Variants in DIDO1 observed in about 807,000 individuals in gnomAD.
DIDO1 encodes death-inducer obliterator 1.
In DIDO1, 16 loss-of-function variants were observed where a neutral mutation model predicts 99.4. The ratio of observed to expected loss-of-function variants is 0.16; its 90% CI spans 0.11 to 0.24. DIDO1 has a LOEUF of 0.24. Ranked by LOEUF, DIDO1 falls within the 10% of genes least tolerant of loss-of-function variation. The pLI, the probability that DIDO1 is intolerant of heterozygous loss-of-function variation, is 1.00. For missense variants in DIDO1, 2,996 were observed against 3,014.0 expected, an observed-to-expected ratio of 0.99 and a Z score of 0.14; for synonymous variants, 1,366 against 1,239.1, an observed-to-expected ratio of 1.10 and a Z score of -2.15.
chr20:62,881,830 G>T lies in DIDO1; in HGVS notation c.4126C>A (p.Leu1376Ile). Residue 1376 changes from leucine to isoleucine, a missense_variant, in exon 16 of 16, where the codon CTA (leucine) becomes ATA (isoleucine). Coordinates refer to ENST00000395343, the MANE Select transcript of DIDO1 (RefSeq NM_001193369.2). This position sits in a 1 kb window ranked among gnomAD's most constrained non-coding sequence, Gnocchi z 8.3. ...GGCCTGTCGTCCTCCTCTTCCTCTAGAGCCTTATCTTTTGAGAACTGACCG... is the reference window on the plus strand; with the variant it reads ...GGCCTGTCGTCCTCCTCTTCCTCTATAGCCTTATCTTTTGAGAACTGACCG... ...QFGQFSKDKA[L>I]EEEEDDRPYD... The T allele has an allele frequency of 6.2e-7, 1 of 1,613,536 alleles. No individual in the cohort carries two copies. The highest frequency in any genetic ancestry group is 8.5e-7 in the Non-Finnish European group (1 of 1,180,020).
chr20:62,898,644 C>A (rs978289443), intron 6 of DIDO1, among the ~76,000 whole-genome samples: 1 of 152,234 alleles, frequency 6.6e-6, no homozygotes, highest in Non-Finnish European at 1.5e-5. Context: ...TAGATGTGGT[C>A]CAGCCACAGG....
At chr20:62,906,641 C>G (rs1226129577) in intron 5 of DIDO1, among the ~76,000 whole-genome samples, 1 of 152,188 alleles carries the variant, frequency 6.6e-6, no homozygotes, top group Non-Finnish European at 1.5e-5. Context: ...GTGACACAGC[C>G]ACCGCCGCCT....
At chr20:62,887,163 T>C in intron 15 of DIDO1, 2 of 985,474 alleles carry the variant, frequency 2.0e-6, no homozygotes, top group Non-Finnish European at 2.4e-6. Context: ...GGGCCTAGGA[T>C]AGGTGACCAG....
At chr20:62,910,367 C>T (rs3818002) in intron 3 of DIDO1, among the ~76,000 whole-genome samples, 2 of 152,218 alleles carry the variant, frequency 1.3e-5, no homozygotes, top group East Asian at 3.8e-4. Flanking sequence ...TTGAGCTGCC[C>T]CAATGTTTGC....
rs138680878 is a variant in DIDO1 at position 62,903,714 on chromosome 20, G to A, written c.1588+2173C>T. Among the ~76,000 whole-genome samples, 198 of 152,282 alleles carry A rather than the reference G, an allele frequency of 1.3e-3. 1 individual carries two copies. The highest frequency in any genetic ancestry group is 1.2e-3 in the Non-Finnish European group (82 of 68,026). ...GAAGCTACTAGCTCAAAAGTGTGTC[G>A]TCCCCATTCCCATCCTATACAAATT... is the stretch of plus-strand genomic sequence containing the variant. On this transcript the variant is annotated intron_variant, in intron 6 of 15. Coordinates refer to ENST00000395343, the MANE Select transcript of DIDO1 (RefSeq NM_001193369.2).
At position 62,895,067 on chromosome 20, in the gene DIDO1, T is replaced by G. The variant is rs2064488538; in HGVS notation, c.2313A>C (p.Lys771Asn). 1.2e-6 allele frequency: 2 copies of G among 1,609,378 alleles called. No individual in the cohort carries two copies. The highest frequency in any genetic ancestry group is 4.5e-5 in the East Asian group (2 of 44,710). ...CACTCACAGATCTCGCTGGCCTCTCTTTCCACGTGGAAAGCTCTTTAGATA... is the reference window on the plus strand; with the variant it reads ...CACTCACAGATCTCGCTGGCCTCTCGTTCCACGTGGAAAGCTCTTTAGATA... The part of the protein sequence containing the change: ...ELVSKELSTW[K>N]ERPARSVMES... The change falls in exon 9 of 16, where the codon AAA (lysine) becomes AAC (asparagine). Residue 771 changes from lysine to asparagine, a missense_variant. Coordinates refer to ENST00000395343, the MANE Select transcript of DIDO1 (RefSeq NM_001193369.2).
At chr20:62,925,930 G>A (rs1340710398) in intron 1 of DIDO1, among the ~76,000 whole-genome samples, 1 of 152,216 alleles carries the variant, frequency 6.6e-6, no homozygotes, top group African/African-American at 2.4e-5. Context: ...CTGCAGTGCC[G>A]GAATCCCCCG....
In DIDO1 at chr20:62,896,934, CTGT is replaced by C. The variant is rs1465286091; in HGVS notation, c.1648_1650del (p.Thr550del). ...TTGCCCACCGCGGAGCCTGGAGGGG[CTGT>C]TTTCTTTGAGGCTGCCATGGCTGCC... On this transcript the variant is annotated inframe_deletion, in exon 7 of 16. Transcript: ENST00000395343. The surrounding 1 kb of genome is among the most constrained non-coding windows in gnomAD (Gnocchi z 4.4). 1 of 1,614,010 alleles carries C rather than the reference CTGT, an allele frequency of 6.2e-7. No homozygotes were observed. Among genetic ancestry groups the C allele is most frequent in the South Asian group, 1.1e-5 (1 of 91,070 alleles).
In DIDO1 at chr20:62,881,082, G is replaced by A; in HGVS notation, c.4874C>T (p.Pro1625Leu). 1.9e-6 allele frequency: 3 copies of A among 1,609,222 alleles called. No homozygotes were observed. Among genetic ancestry groups the A allele is most frequent in the Non-Finnish European group, 2.5e-6 (3 of 1,179,470 alleles). Residue 1625 changes from proline (P) to leucine (L), a missense_variant, in exon 16 of 16, where the codon CCC becomes CTC. Pro to Leu is a moderately conservative substitution (Grantham distance 98). This residue lies in a region of DIDO1 where 1,562 missense variants were observed against 1,412.6 expected (regional missense o/e 1.11). Coordinates refer to ENST00000395343, the MANE Select transcript of DIDO1 (RefSeq NM_001193369.2). The surrounding 1 kb of genome is among the most constrained non-coding windows in gnomAD (Gnocchi z 8.3). ...GCCGTCCTGCTCGGACCCCGCTGGG[G>A]GCTTTTCGCCCGAAGCCCAGGGGGA... ...ASSPWASGEK[P>L]PAGSEQDGWK...
In DIDO1 at chr20:62,909,849, T is replaced by TTCCTGC. The variant is rs754303062; in HGVS notation, c.1005_1010dup (p.Gln336_Glu337dup). 11 of 1,614,138 alleles carry TTCCTGC rather than the reference T, an allele frequency of 6.8e-6. No individual in the cohort carries two copies. The highest frequency in any genetic ancestry group is 1.3e-5 in the African/African-American group (1 of 74,946). On this transcript the variant is annotated inframe_insertion, in exon 4 of 16. Coordinates refer to ENST00000395343, the MANE Select transcript of DIDO1 (RefSeq NM_001193369.2). Reference sequence around the variant, plus strand: ...CAGCATCTCCAGGTCTCCATTTAGCTTCCTGCTGATCTGCCGTTTCTGAAT... The same window carrying TTCCTGC: ...CAGCATCTCCAGGTCTCCATTTAGCTTCCTGCTCCTGCTGATCTGCCGTTTCTGAAT...
In DIDO1 at chr20:62,911,586, A is replaced by C. The variant is rs777389721; in HGVS notation, c.27T>G (p.Asn9Lys). 1.3e-6 allele frequency: 2 copies of C among 1,593,532 alleles called. No homozygotes were observed. The highest frequency in any genetic ancestry group is 2.3e-5 in the South Asian group (2 of 88,312). Reference sequence around the variant, plus strand: ...GTTTGATGGCCTTAGGTGCCTCCTCATTGCTCGGGTCGCCTTTGTCGTCCA... The same window carrying C: ...GTTTGATGGCCTTAGGTGCCTCCTCCTTGCTCGGGTCGCCTTTGTCGTCCA... MDDKGDPSNEEAPKAIKPT... is the reference protein window; with the variant it reads MDDKGDPSKEEAPKAIKPT... Residue 9 changes from asparagine to lysine, a missense_variant, in exon 3 of 16, where the codon AAT becomes AAG. Physicochemically the swap from Asn to Lys is moderately conservative, Grantham distance 94. This residue lies in a region of DIDO1 where 388 missense variants were observed against 376.6 expected (regional missense o/e 1.03). Coordinates refer to ENST00000395343, the MANE Select transcript of DIDO1 (RefSeq NM_001193369.2). This position sits in a 1 kb window ranked among gnomAD's most constrained non-coding sequence, Gnocchi z 7.0.
intron 3 of DIDO1, among the ~76,000 whole-genome samples, 179 bp from the exon 4 acceptor site, chr20:62,910,199 G>GT (rs1214200599): frequency 6.6e-6 from 1 of 152,150 alleles, no homozygotes; most frequent in Non-Finnish European, 1.5e-5. Context: ...TTACTTCACC[G>GT]TTTTTTAAGA....
At chr20:62,888,762 C>T (rs1386484317) in intron 15 of DIDO1, 2 of 985,320 alleles carry the variant, frequency 2.0e-6, no homozygotes, top group South Asian at 4.7e-5. Flanking sequence ...GTAATCAGTA[C>T]GTGAAGCGGG....
chr20:62,910,056 G>C, intron 3 of DIDO1, 36 bp from the exon 4 acceptor site: 1 of 1,581,442 alleles, frequency 6.3e-7, no homozygotes, highest in African/African-American at 1.3e-5. Context: ...GCAATGGGAC[G>C]TGAGTGACAA....
At position 62,911,461 on chromosome 20, in the gene DIDO1, G is replaced by A; in HGVS notation, c.152C>T (p.Pro51Leu). ...GDAEADPLEP[P>L]PPQQQLGLSL... is the part of the protein sequence containing the mutation. ...CAGGCCCAGCTGCTGCTGTGGGGGT[G>A]GCGGCTCCAGTGGGTCAGCCTCCGC... Residue 51 changes from proline (P) to leucine (L), a missense_variant, in exon 3 of 16, where the codon CCA becomes CTA. By Grantham distance (98) the Pro-to-Leu change is moderately conservative. Coordinates refer to ENST00000395343, the MANE Select transcript of DIDO1 (RefSeq NM_001193369.2). This position sits in a 1 kb window ranked among gnomAD's most constrained non-coding sequence, Gnocchi z 7.0. 6.2e-7 allele frequency: 1 copy of A among 1,612,044 alleles called. No individual in the cohort carries two copies. Among genetic ancestry groups the A allele is most frequent in the Admixed American group, 1.7e-5 (1 of 59,822 alleles).
chr20:62,911,503 C>T lies in DIDO1; in HGVS notation c.110G>A (p.Arg37Gln), dbSNP rs752689238. ...WGFRRTTIAK[R>Q]EGAGDAEADP... ...AGCCTCCGCGTCCCCTGCGCCCTCT[C>T]GCTTGGCGATAGTGGTCCTTCGAAA... Residue 37 changes from arginine to glutamine, a missense_variant, in exon 3 of 16, where the codon CGA becomes CAA. This residue lies in a region of DIDO1 where 388 missense variants were observed against 376.6 expected (regional missense o/e 1.03). Transcript: ENST00000395343. The surrounding 1 kb of genome is among the most constrained non-coding windows in gnomAD (Gnocchi z 7.0). 6.2e-7 allele frequency: 1 copy of T among 1,612,764 alleles called. No individual in the cohort carries two copies. Among genetic ancestry groups the T allele is most frequent in the Non-Finnish European group, 8.5e-7 (1 of 1,179,408 alleles).
intron 6 of DIDO1, among the ~76,000 whole-genome samples, chr20:62,904,668 C>T (rs2064758430): frequency 6.7e-6 from 1 of 149,628 alleles, no homozygotes; most frequent in South Asian, 2.1e-4. Context: ...GTAATCCCAG[C>T]TACTTGGGAG....
In DIDO1 at chr20:62,880,113, G is replaced by A. The variant is rs1313574253; in HGVS notation, c.5843C>T (p.Pro1948Leu). 2.5e-6 allele frequency: 4 copies of A among 1,612,554 alleles called. No individual in the cohort carries two copies. In the Admixed American group the frequency reaches 6.7e-5, roughly 27 times the overall value. ...RGPHPNQFEGPRGQAPNFMPG... is the reference protein window; with the variant it reads ...RGPHPNQFEGLRGQAPNFMPG... ...CATAAAGTTAGGCGCTTGGCCTCTG[G>A]GTCCTTCAAACTGGTTGGGATGAGG... is the stretch of plus-strand genomic sequence containing the variant. The change falls in exon 16 of 16, where the codon CCC (proline) becomes CTC (leucine). Residue 1948 changes from proline (P) to leucine (L), a missense_variant. Coordinates refer to ENST00000395343, the MANE Select transcript of DIDO1 (RefSeq NM_001193369.2).
At chr20:62,891,538 G>A (rs186324914) in intron 14 of DIDO1, among the ~76,000 whole-genome samples, 1 of 152,032 alleles carries the variant, frequency 6.6e-6, no homozygotes, top group East Asian at 1.9e-4. Flanking sequence ...TAAATCTCAG[G>A]GGGTCCCAGA....
Sources: gnomAD v4.1 joint callset for allele counts (sites outside exome capture counted in the v4.1 genomes callset) on GRCh38, gnomAD v4.1.1 for gene constraint, gnomAD v4.1.1 regional missense constraint, Gnocchi (gnomAD v3.1) non-coding constraint, MANE v1.5 for transcripts, NCBI Gene and HGNC (gene_info 2026-07-23, HGNC 2026-07-21) for gene names.